The following BEND2 variants were observed in gnomAD, a reference collection of about 807,000 sequenced individuals.
BEND2 encodes BEN domain containing 2, also known as BEN domain-containing protein 2.
BEND2 carries 19 observed loss-of-function variants against 43.8 expected under a neutral mutation model. The observed-to-expected ratio is 0.43, with a 90% CI of 0.30 to 0.64. The LOEUF (loss-of-function observed/expected upper bound fraction) is 0.64, where lower values mean the gene tolerates loss of function less well. BEND2 is among the 30% of genes least tolerant of loss of function. BEND2 has a pLI of 0.11. For synonymous variants in BEND2, 226 were observed against 210.1 expected (o/e 1.08, Z -0.66); for missense variants, 544 against 574.0 (o/e 0.95, Z 0.53).
At chrX:18,181,396 C>T (rs1924382021) in intron 8 of BEND2, among the ~76,000 whole-genome samples, 1 of 110,657 alleles carries the variant, frequency 9.0e-6, no homozygotes, top group East Asian at 2.8e-4. Context: ...TTGTGATAGC[C>T]AAAACCTGAA....
intron 10 of BEND2, among the ~76,000 whole-genome samples, chrX:18,176,383 A>C (rs1284566969): frequency 9.2e-6 from 1 of 108,132 alleles, no homozygotes; most frequent in African/African-American, 3.4e-5. Context: ...AAAAAAAAAA[A>C]AAAAAAGTGT....
chrX:18,175,976 G>A lies in BEND2; in HGVS notation c.1748C>T (p.Thr583Ile). 8.4e-7 allele frequency: 1 copy of A among 1,186,746 alleles called. No homozygotes were observed. The highest frequency in any genetic ancestry group is 1.8e-5 in the African/African-American group (1 of 56,590). ...TTTAGATGAAAAATAACTTACTGGA[G>A]TACTCTTGCCTTCAGAACATAAACA... is the stretch of plus-strand genomic sequence containing the variant. The part of the protein sequence containing the change: ...IYCLCSEGKS[T>I]PKTVRKNKKR... The change falls in exon 11 of 14, where the codon ACT (threonine) becomes ATT (isoleucine). Residue 583 changes from threonine (T) to isoleucine (I), a missense_variant. Coordinates refer to ENST00000380033, the MANE Select transcript of BEND2 (RefSeq NM_153346.5).
rs940510149 is a variant in BEND2 at position 18,213,103 on chromosome X, C to T, written c.377-423G>A. On this transcript the variant is annotated intron_variant, in intron 3 of 13. Transcript: ENST00000380033. ...CCACTGCTATGTGAGCTGGGCAGAC[C>T]ACTAGAGACACCACCTCCTCATCTG... is the stretch of plus-strand genomic sequence containing the variant. 1.6e-4 allele frequency among the ~76,000 whole-genome samples: 18 copies of T among 111,740 alleles called. 1 individual carries two copies. The highest frequency in any genetic ancestry group is 1.5e-3 in the Admixed American group (16 of 10,525).
chrX:18,177,703 A>G lies in BEND2; in HGVS notation c.1496T>C (p.Met499Thr), dbSNP rs926247668. The change falls in exon 10 of 14, where the codon ATG becomes ACG. Residue 499 changes from methionine to threonine, a missense_variant. Met to Thr is a moderately conservative substitution (Grantham distance 81). Around this residue, in one of 2 missense-constraint regions of BEND2, gnomAD observed 501 missense variants for 501.6 expected, o/e 1.00. Transcript: ENST00000380033. ...GCAGGCTGCTTGCTTAGGTTTGGCC[A>G]TATTTTGTACGGCCAGCAAATGGAT... Reference protein sequence around the residue: ...LKIHLLAVQNMAKPKQAACYL... With the variant: ...LKIHLLAVQNTAKPKQAACYL... The G allele has an allele frequency of 8.3e-7, 1 of 1,210,894 alleles. No homozygotes were observed. Among genetic ancestry groups the G allele is most frequent in the East Asian group, 3.0e-5 (1 of 33,800 alleles).
At chrX:18,198,990 G>C (rs756080142) in intron 6 of BEND2, among the ~76,000 whole-genome samples, 39 of 97,594 alleles carry the variant, frequency 4.0e-4, no homozygotes, top group Non-Finnish European at 3.8e-4. Flanking sequence ...CTCATAGATG[G>C]GAATTGAACA....
chrX:18,194,117 T>A (rs1429890786), intron 7 of BEND2, among the ~76,000 whole-genome samples: 1 of 111,577 alleles, frequency 9.0e-6, no homozygotes, highest in Admixed American at 9.6e-5. Context: ...GAAGAAAGAA[T>A]GATGGAAAGA....
Position 18,216,746 on chromosome X carries a change from A to G in BEND2, c.26-13T>C, listed in dbSNP as rs1446069675. Reference sequence around the variant, plus strand: ...ATAATAACAAAATCTAAGAATAAGCAAAGAGGAAGATTAGATTCAATATCA... The same window carrying G: ...ATAATAACAAAATCTAAGAATAAGCGAAGAGGAAGATTAGATTCAATATCA... On this transcript the variant is annotated splice_polypyrimidine_tract_variant and intron_variant, in intron 1 of 13. Transcript: ENST00000380033. 8.9e-7 allele frequency: 1 copy of G among 1,121,387 alleles called. No individual in the cohort carries two copies. The highest frequency in any genetic ancestry group is 1.2e-6 in the Non-Finnish European group (1 of 818,052). 92.4% of individuals were successfully genotyped at this position (1,121,387 alleles called of 1,213,427 possible).
At chrX:18,196,531 G>A (rs762234738) in intron 6 of BEND2, among the ~76,000 whole-genome samples, 14 of 109,768 alleles carry the variant, frequency 1.3e-4, no homozygotes, top group African/African-American at 4.6e-4. Context: ...GAGCAGTTTA[G>A]TCCTAATACC....
At chrX:18,201,740 G>A (rs1424222207) in intron 6 of BEND2, 75 bp downstream of exon 6, 3 of 1,077,896 alleles carry the variant, frequency 2.8e-6, no homozygotes, top group Non-Finnish European at 2.5e-6. Context: ...TGATGCACCC[G>A]CCTCACCCTC....
Position 18,216,542 on chromosome X carries a change from G to A in BEND2, c.217C>T (p.Arg73Cys), listed in dbSNP as rs201040508. Residue 73 changes from arginine to cysteine, a missense_variant, in exon 2 of 14, where the codon CGT becomes TGT. By Grantham distance (180) the Arg-to-Cys change is radical. This residue lies in a region of BEND2 where 501 missense variants were observed against 501.6 expected (regional missense o/e 1.00). Transcript: ENST00000380033. ...TTACCATATGACATTTGGAGTGGAC[G>A]GTGATGGCCATCATTGCCGCCTGGA... ...NFPGGNDGHH[R>C]PLQMSYGSGS... 9.1e-6 allele frequency: 11 copies of A among 1,203,288 alleles called. No individual in the cohort carries two copies. Among genetic ancestry groups the A allele is most frequent in the East Asian group, 8.9e-5 (3 of 33,701 alleles).
chrX:18,199,030 C>T (rs1227250387), intron 6 of BEND2, among the ~76,000 whole-genome samples: 3 of 80,325 alleles, frequency 3.7e-5, no homozygotes, highest in African/African-American at 5.0e-5. Flanking sequence ...GGAAGGGGAA[C>T]ATCACACTCT....
At chrX:18,211,918 C>A (rs966683751) in intron 4 of BEND2, among the ~76,000 whole-genome samples, 2 of 109,501 alleles carry the variant, frequency 1.8e-5, no homozygotes, top group Admixed American at 9.9e-5. Flanking sequence ...AGACTATGAC[C>A]CAAAACAGTA....
At position 18,176,059 on chromosome X, in the gene BEND2, C is replaced by T; in HGVS notation, c.1665G>A (p.Leu555=). Residue 555 remains leucine, a synonymous_variant, in exon 11 of 14, where the codon TTG becomes TTA. Transcript: ENST00000380033. The part of the protein sequence containing the change: ...YLATTFPTCD[L]HEHGKDWQDC... ...CCTGCCAGTCTTTTCCATGTTCATG[C>T]AAATCACAGGTGGGAAAAGTTGTTG... The T allele has an allele frequency of 8.3e-7, 1 of 1,201,405 alleles. No individual in the cohort carries two copies. The highest frequency in any genetic ancestry group is 1.1e-6 in the Non-Finnish European group (1 of 890,632).
intron 3 of BEND2, among the ~76,000 whole-genome samples, chrX:18,213,572 A>C (rs1925577043): frequency 9.0e-6 from 1 of 111,431 alleles, no homozygotes; most frequent in Admixed American, 9.6e-5. Flanking sequence ...ACTAACTCTC[A>C]AGTTAGATAA....
At chrX:18,209,028 T>C (rs775806427) in intron 4 of BEND2, among the ~76,000 whole-genome samples, 2 of 111,058 alleles carry the variant, frequency 1.8e-5, no homozygotes, top group East Asian at 5.7e-4. Flanking sequence ...CAAGTGAGTA[T>C]ACAAAAAAGG....
At position 18,195,446 on chromosome X, in the gene BEND2, T is replaced by C. The variant is rs894903476; in HGVS notation, c.1034-4A>G. ...TCAGTAAGTATAATTTTCTCAGCTA[T>C]TGGGAAAAAAAAAGAATGCTCAATC... is the stretch of plus-strand genomic sequence containing the variant. On this transcript the variant is annotated splice_polypyrimidine_tract_variant and splice_region_variant and intron_variant, in intron 6 of 13. Transcript: ENST00000380033. 1.7e-5 allele frequency: 20 copies of C among 1,191,693 alleles called. 1 individual carries two copies. In the Middle Eastern group the frequency reaches 3.5e-3, roughly 210 times the overall value.
intron 6 of BEND2, among the ~76,000 whole-genome samples, chrX:18,201,514 T>C (rs1379221273): frequency 9.3e-6 from 1 of 107,457 alleles, no homozygotes; most frequent in Non-Finnish European, 1.9e-5. Flanking sequence ...TATTTTGAGA[T>C]GGAGTTTCGC....
chrX:18,203,656 G>T lies in BEND2; in HGVS notation c.752C>A (p.Ala251Asp), dbSNP rs1251620504. 1.7e-6 allele frequency: 2 copies of T among 1,209,982 alleles called. No homozygotes were observed. The highest frequency in any genetic ancestry group is 3.0e-5 in the East Asian group (1 of 33,785). Reference protein sequence around the residue: ...AESTNAVISFANATTAVPMAV... With the variant: ...AESTNAVISFDNATTAVPMAV... ...CATAGGTACTGCTGTAGTAGCATTG[G>T]CAAATGAGATGACAGCATTGGTACT... Residue 251 changes from alanine (A) to aspartate (D), a missense_variant, in exon 5 of 14, where the codon GCC becomes GAC. Ala to Asp is a moderately radical substitution (Grantham distance 126). Transcript: ENST00000380033.
intron 8 of BEND2, 46 bp from the exon 9 acceptor site, chrX:18,180,696 C>A (rs1416154955): frequency 9.5e-7 from 1 of 1,053,608 alleles, no homozygotes; most frequent in Admixed American, 2.2e-5. Flanking sequence ...TCCAGCAAAA[C>A]TGTTTTTCAG....
Sources: allele counts gnomAD v4.1 joint callset (sites outside exome capture counted in the v4.1 genomes callset), GRCh38; gene constraint gnomAD v4.1.1; regional missense constraint gnomAD v4.1.1; transcripts MANE v1.5; gene names NCBI Gene and HGNC (gene_info 2026-07-23, HGNC 2026-07-21).